The following SH3BP5 variants were observed in gnomAD, a reference collection of about 807,000 sequenced individuals.
SH3BP5 encodes SH3 domain binding protein 5, also known as SH3 domain-binding protein 5.
In SH3BP5, 22 loss-of-function variants were observed where a neutral mutation model predicts 43.3. The ratio of observed to expected loss-of-function variants is 0.51; its 90% CI spans 0.36 to 0.73. SH3BP5 has a LOEUF of 0.73. Among genes scored for constraint, SH3BP5 ranks in the 30% least tolerant of loss-of-function variants. SH3BP5 has a pLI of 0.00. For missense variants in SH3BP5, 529 were observed against 586.9 expected, an observed-to-expected ratio of 0.90 and a Z score of 1.02; for synonymous variants, 255 against 225.8, an observed-to-expected ratio of 1.13 and a Z score of -1.16.
intron 3 of SH3BP5, among the ~76,000 whole-genome samples, chr3:15,284,521 C>A (rs1369308654): frequency 1.3e-5 from 2 of 152,222 alleles, no homozygotes; most frequent in Admixed American, 6.5e-5. Flanking sequence ...CGTTAACATT[C>A]CTCGTGCCTC....
At chr3:15,273,158 C>T in intron 3 of SH3BP5, 1 of 985,422 alleles carries the variant, frequency 1.0e-6, no homozygotes, top group Non-Finnish European at 1.2e-6. Context: ...ATGAATCCCA[C>T]AGGATCCTAA....
At chr3:15,273,912 T>C (rs1575296709) in intron 3 of SH3BP5, among the ~76,000 whole-genome samples, 1 of 152,294 alleles carries the variant, frequency 6.6e-6, no homozygotes, top group South Asian at 2.1e-4. Flanking sequence ...GTGGGGCCTT[T>C]GGGAGCCATA....
chr3:15,303,080 C>T (rs1206099865), intron 3 of SH3BP5, among the ~76,000 whole-genome samples: 1 of 152,210 alleles, frequency 6.6e-6, no homozygotes, highest in African/African-American at 2.4e-5. Flanking sequence ...TCCCAGAGTG[C>T]TGGGATTACA....
At chr3:15,268,866 A>G (rs920085676) in intron 4 of SH3BP5, among the ~76,000 whole-genome samples, 17 of 152,044 alleles carry the variant, frequency 1.1e-4, no homozygotes, top group Non-Finnish European at 2.5e-4. Flanking sequence ...AAGCTCATGT[A>G]CCCCTTCCAC....
At chr3:15,313,522 C>T (rs1178202101) in intron 2 of SH3BP5, among the ~76,000 whole-genome samples, 1 of 152,198 alleles carries the variant, frequency 6.6e-6, no homozygotes, top group East Asian at 1.9e-4. Flanking sequence ...CTTTTAATGG[C>T]AAAAACCACA....
chr3:15,303,735 G>T (rs1697819313), intron 3 of SH3BP5, among the ~76,000 whole-genome samples: 1 of 152,084 alleles, frequency 6.6e-6, no homozygotes, highest in Non-Finnish European at 1.5e-5. Flanking sequence ...TGTTTCAAGA[G>T]AAGCAGAAGG....
intron 3 of SH3BP5, among the ~76,000 whole-genome samples, chr3:15,283,756 A>C (rs969461679): frequency 1.3e-5 from 2 of 152,194 alleles, no homozygotes; most frequent in Admixed American, 6.5e-5. Flanking sequence ...TTTCAAGGAG[A>C]GCCAAAACCA....
upstream of SH3BP5, among the ~76,000 whole-genome samples, chr3:15,336,497 A>T (rs557959005): frequency 2.2e-4 from 33 of 152,330 alleles, no homozygotes; most frequent in African/African-American, 7.9e-4. Context: ...CCTGATGATC[A>T]GCCTCTTCTG....
upstream of SH3BP5, among the ~76,000 whole-genome samples, chr3:15,334,979 G>A (rs1698683953): frequency 6.6e-6 from 1 of 151,224 alleles, no homozygotes; most frequent in Non-Finnish European, 1.5e-5. Flanking sequence ...AAATAATAAA[G>A]TATACAGGAG....
At chr3:15,268,659 C>T (rs1226639205) in intron 4 of SH3BP5, among the ~76,000 whole-genome samples, 2 of 152,118 alleles carry the variant, frequency 1.3e-5, no homozygotes. Context: ...CTAAGAAACC[C>T]GATAGAGTTA....
intron 2 of SH3BP5, among the ~76,000 whole-genome samples, chr3:15,322,598 G>A (rs1698357326): frequency 6.6e-6 from 1 of 152,166 alleles, no homozygotes; most frequent in Non-Finnish European, 1.5e-5. Flanking sequence ...AACACTTTGG[G>A]AAGCCGAGGC....
chr3:15,315,665 T>C (rs907875042), intron 2 of SH3BP5, among the ~76,000 whole-genome samples: 2 of 152,152 alleles, frequency 1.3e-5, no homozygotes, highest in African/African-American at 4.8e-5. Flanking sequence ...AACTCTGATC[T>C]AACTATGAAG....
chr3:15,283,905 G>A (rs940858819), intron 3 of SH3BP5, among the ~76,000 whole-genome samples: 1 of 152,120 alleles, frequency 6.6e-6, no homozygotes, highest in Non-Finnish European at 1.5e-5. Context: ...ACAGAGTCCA[G>A]CCCATAGCCC....
At chr3:15,257,918 C>T (rs546673671) in intron 7 of SH3BP5, among the ~76,000 whole-genome samples, 1 of 152,230 alleles carries the variant, frequency 6.6e-6, no homozygotes, top group East Asian at 1.9e-4. Flanking sequence ...ATGTTGGGGA[C>T]AGAAAATGGG....
chr3:15,273,087 A>AC, intron 3 of SH3BP5: 1 of 978,768 alleles, frequency 1.0e-6, no homozygotes, highest in Non-Finnish European at 1.2e-6. Context: ...AAGCCACTCC[A>AC]CCCCCTACCC....
chr3:15,306,122 C>G (rs1425544628), intron 2 of SH3BP5, among the ~76,000 whole-genome samples: 1 of 151,220 alleles, frequency 6.6e-6, no homozygotes, highest in Non-Finnish European at 1.5e-5. Context: ...TTTGGGAGGC[C>G]GAGACGGGTG....
intron 1 of SH3BP5, chr3:15,339,791 A>G (rs1698741748): frequency 6.6e-6 from 1 of 151,996 alleles, no homozygotes. Context: ...GGAATGATAC[A>G]GAGAAGACTA....
Sources: gnomAD v4.1 joint callset for allele counts (sites outside exome capture counted in the v4.1 genomes callset) on GRCh38, gnomAD v4.1.1 for gene constraint, MANE v1.5 for transcripts, NCBI Gene and HGNC (gene_info 2026-07-23, HGNC 2026-07-21) for gene names.